The following NRG1 variants were observed in gnomAD, a reference collection of about 807,000 sequenced individuals.
NRG1 encodes the protein neuregulin 1, also known as pro-neuregulin-1, membrane-bound isoform.
A neutral mutation model predicts 63.8 loss-of-function variants in NRG1; 18 were observed. The observed-to-expected ratio is 0.28, with a 90% CI of 0.19 to 0.42. NRG1 has a LOEUF of 0.42. NRG1 is among the 10% of genes least tolerant of loss of function. NRG1 has a pLI of 1.00. For missense variants in NRG1, 762 were observed against 814.7 expected, an observed-to-expected ratio of 0.94 and a Z score of 0.79; for synonymous variants, 302 against 301.3, an observed-to-expected ratio of 1.00 and a Z score of -0.02.
At chr8:32,644,294 T>C (rs1853013481) in intron 5 of NRG1, among the ~76,000 whole-genome samples, 1 of 152,210 alleles carries the variant, frequency 6.6e-6, no homozygotes, top group African/African-American at 2.4e-5. Context: ...TGGGCTTTAC[T>C]GGGGTGGAGC....
At chr8:32,492,326 G>A (rs1206880976) in intron 1 of NRG1, among the ~76,000 whole-genome samples, 2 of 152,040 alleles carry the variant, frequency 1.3e-5, no homozygotes, top group African/African-American at 4.8e-5. Flanking sequence ...GCTGACCTGT[G>A]TGACATTTGG....
intron 1 of NRG1, among the ~76,000 whole-genome samples, chr8:32,080,644 C>T (rs919519623): frequency 3.3e-5 from 5 of 152,028 alleles, no homozygotes; most frequent in African/African-American, 7.2e-5. Context: ...CCAACTGTAG[C>T]GGCAAAGTTC....
intron 1 of NRG1, among the ~76,000 whole-genome samples, chr8:32,159,051 G>C (rs1055918455): frequency 2.0e-5 from 3 of 152,038 alleles, no homozygotes; most frequent in Non-Finnish European, 4.4e-5. Flanking sequence ...GGAAAAGAAT[G>C]CCCCATACAC....
chr8:32,765,027 A>T (rs1831315274), exon 12 of NRG1: 1 of 22,186 alleles, frequency 4.5e-5, no homozygotes, highest in Admixed American at 3.5e-4. Flanking sequence ...TAATACTGTG[A>T]TTTAAAAAAA....
At chr8:31,958,889 T>G (rs1205450229) in intron 1 of NRG1, among the ~76,000 whole-genome samples, 1 of 152,182 alleles carries the variant, frequency 6.6e-6, no homozygotes, top group Non-Finnish European at 1.5e-5. Flanking sequence ...TTGTCATGAT[T>G]GTGAGTATTT....
chr8:31,944,093 G>C (rs1044929872), intron 1 of NRG1, among the ~76,000 whole-genome samples: 1 of 152,126 alleles, frequency 6.6e-6, no homozygotes, highest in Non-Finnish European at 1.5e-5. Flanking sequence ...GCACTACATA[G>C]AATGACATTT....
chr8:31,758,176 A>T (rs1321505676), intron 1 of NRG1, among the ~76,000 whole-genome samples: 1 of 152,080 alleles, frequency 6.6e-6, no homozygotes, highest in Non-Finnish European at 1.5e-5. Flanking sequence ...TGTCAACTAC[A>T]TTAGGTGTTT....
chr8:32,548,719 CCGGCGAGATG>C (rs1225686523), exon 1 of NRG1: 1 of 1,574,014 alleles, frequency 6.4e-7, no homozygotes, highest in Non-Finnish European at 8.6e-7. Context: ...CGCTCCGTCT[CCGGCGAGATG>C]TCCGAGCGCA....
At chr8:32,651,563 G>A (rs984578346) in intron 5 of NRG1, among the ~76,000 whole-genome samples, 1 of 152,076 alleles carries the variant, frequency 6.6e-6, no homozygotes, top group Non-Finnish European at 1.5e-5. Flanking sequence ...ATGTTTTCTG[G>A]ATATGAGATC....
At chr8:32,492,362 A>G (rs1826691400) in intron 1 of NRG1, among the ~76,000 whole-genome samples, 2 of 150,234 alleles carry the variant, frequency 1.3e-5, no homozygotes, top group African/African-American at 4.9e-5. Context: ...CTTTGTTTTC[A>G]GTTTTTTCCA....
At position 32,028,195 on chromosome 8, in the gene NRG1, GC is replaced by G. The variant is rs1214157268; in HGVS notation, c.37+388765del. Among the ~76,000 whole-genome samples the G allele has an allele frequency of 6.6e-5, 10 of 151,978 alleles. 1 individual carries two copies. The highest frequency in any genetic ancestry group is 6.6e-4 in the Admixed American group (10 of 15,262). The stretch of plus-strand genomic sequence containing the variant: ...CTCATGGTTAGGGAAAGAAAATTGC[GC>G]AAAGGACTTGTGTCCATACCGTTTT... On this transcript the variant is annotated intron_variant, in intron 1 of 10. Transcript: ENST00000519301.
At chr8:32,564,854 A>G (rs909889853) in intron 1 of NRG1, among the ~76,000 whole-genome samples, 2 of 152,002 alleles carry the variant, frequency 1.3e-5, no homozygotes, top group Non-Finnish European at 2.9e-5. Flanking sequence ...TGAGCTCAGG[A>G]GTTTGAAACC....
intron 1 of NRG1, among the ~76,000 whole-genome samples, chr8:32,513,899 C>G (rs1176918300): frequency 6.6e-6 from 1 of 152,082 alleles, no homozygotes; most frequent in Non-Finnish European, 1.5e-5. Context: ...AACGGACCAT[C>G]TAAATGGGAA....
intron 1 of NRG1, among the ~76,000 whole-genome samples, chr8:31,905,907 A>G (rs1312064767): frequency 1.3e-5 from 2 of 152,230 alleles, no homozygotes; most frequent in Non-Finnish European, 2.9e-5. Flanking sequence ...AGAAAATATA[A>G]TTTGTCTATT....
chr8:32,137,506 A>G (rs1835700570), intron 1 of NRG1, among the ~76,000 whole-genome samples: 2 of 152,174 alleles, frequency 1.3e-5, no homozygotes, highest in South Asian at 4.1e-4. Flanking sequence ...ATTTTTCTAT[A>G]AAGCAATTTA....
At chr8:32,336,476 T>C (rs1803283090) in intron 1 of NRG1, among the ~76,000 whole-genome samples, 1 of 151,926 alleles carries the variant, frequency 6.6e-6, no homozygotes, top group Non-Finnish European at 1.5e-5. Flanking sequence ...AAAGTCCTCA[T>C]GGCAGGAATG....
chr8:32,160,773 A>T (rs1325225540), intron 1 of NRG1, among the ~76,000 whole-genome samples: 1 of 152,244 alleles, frequency 6.6e-6, no homozygotes, highest in Non-Finnish European at 1.5e-5. Context: ...TATTAAAACC[A>T]GATCAAAACA....
At chr8:32,692,388 T>C (rs73675420) in intron 5 of NRG1, among the ~76,000 whole-genome samples, 2,910 of 152,318 alleles carry the variant, frequency 0.019, 104 homozygotes, top group African/African-American at 0.067. Context: ...GGTCTTTGCC[T>C]GGCATTGCTG....
intron 1 of NRG1, among the ~76,000 whole-genome samples, chr8:31,789,083 A>G (rs1243340392): frequency 6.6e-6 from 1 of 152,212 alleles, no homozygotes; most frequent in East Asian, 1.9e-4. Flanking sequence ...TGGTTCTAAT[A>G]CTCGCATTTC....
Sources: allele counts gnomAD v4.1 joint callset (sites outside exome capture counted in the v4.1 genomes callset), GRCh38; gene constraint gnomAD v4.1.1; transcripts MANE v1.5; gene names NCBI Gene and HGNC (gene_info 2026-07-23, HGNC 2026-07-21).